Variants in SPOCK1 observed in about 807,000 individuals in gnomAD.
The protein encoded by SPOCK1 is SPARC (osteonectin), cwcv and kazal like domains proteoglycan 1, also known as testican-1.
In SPOCK1, 23 loss-of-function variants were observed where a neutral mutation model predicts 55.3. The ratio of observed to expected loss-of-function variants is 0.42; its 90% confidence interval spans 0.30 to 0.59. The LOEUF is 0.59. Among genes scored for constraint, SPOCK1 ranks in the 20% least tolerant of loss-of-function variants. The pLI is 0.22. For missense variants in SPOCK1, 499 were observed against 552.5 expected, an observed-to-expected ratio of 0.90 and a Z score of 0.97; for synonymous variants, 226 against 221.0, an observed-to-expected ratio of 1.02 and a Z score of -0.20.
At chr5:137,036,093 C>A (rs1184482011) in intron 6 of SPOCK1, among the ~76,000 whole-genome samples, 1 of 151,870 alleles carries the variant, frequency 6.6e-6, no homozygotes, top group African/African-American at 2.4e-5. Flanking sequence ...TCCCTGACAG[C>A]AAAAAAGGAC....
intron 4 of SPOCK1, among the ~76,000 whole-genome samples, chr5:137,135,837 C>T (rs1328691403): frequency 6.6e-6 from 1 of 152,152 alleles, no homozygotes. Flanking sequence ...CTTTTTATTG[C>T]TGAATAGTAA....
At chr5:137,168,928 C>T (rs765863273) in intron 3 of SPOCK1, among the ~76,000 whole-genome samples, 1 of 152,090 alleles carries the variant, frequency 6.6e-6, no homozygotes, top group Non-Finnish European at 1.5e-5. Flanking sequence ...ACACAATAGC[C>T]AGGATTTGAA....
At chr5:137,347,577 C>T (rs1252447197) in intron 2 of SPOCK1, among the ~76,000 whole-genome samples, 14 of 152,054 alleles carry the variant, frequency 9.2e-5, no homozygotes, top group African/African-American at 2.4e-4. Flanking sequence ...AAAAATTAGC[C>T]GGGTGTGGTG....
intron 4 of SPOCK1, among the ~76,000 whole-genome samples, chr5:137,135,134 T>C (rs1753956832): frequency 6.6e-6 from 1 of 152,268 alleles, no homozygotes; most frequent in Non-Finnish European, 1.5e-5. Context: ...TTAGATATTG[T>C]AAGTTCCATC....
At chr5:136,994,069 T>C (rs150851076) in intron 6 of SPOCK1, among the ~76,000 whole-genome samples, 7 of 152,190 alleles carry the variant, frequency 4.6e-5, no homozygotes, top group Non-Finnish European at 8.8e-5. Flanking sequence ...CCACCCTCCA[T>C]ATTAGAGGAG....
intron 2 of SPOCK1, among the ~76,000 whole-genome samples, chr5:137,482,718 T>C (rs1406866705): frequency 6.6e-6 from 1 of 152,140 alleles, no homozygotes; most frequent in Non-Finnish European, 1.5e-5. Context: ...TGAACAAGGA[T>C]CATCGCGTTG....
chr5:137,387,160 C>T (rs1300320961), intron 2 of SPOCK1, among the ~76,000 whole-genome samples: 1 of 152,222 alleles, frequency 6.6e-6, no homozygotes, highest in Non-Finnish European at 1.5e-5. Flanking sequence ...CTGACACCAC[C>T]AAATGCTGAT....
rs532193655 is a variant in SPOCK1 at position 137,432,031 on chromosome 5, A to G, written c.186+66342T>C. 1.4e-4 allele frequency among the ~76,000 whole-genome samples: 21 copies of G among 152,340 alleles called. No homozygotes were observed. The South Asian group carries it at 4.1e-3, about 30-fold the overall frequency. ...ATAACCATAATCATTAAGTAAATGC[A>G]AATCAAAACCACAATGAGATACCAC... is the stretch of plus-strand genomic sequence containing the variant. On this transcript the variant is annotated intron_variant, in intron 2 of 10. Transcript: ENST00000394945.
chr5:137,386,213 T>G (rs1182925815), intron 2 of SPOCK1, among the ~76,000 whole-genome samples: 1 of 152,224 alleles, frequency 6.6e-6, no homozygotes, highest in Non-Finnish European at 1.5e-5. Flanking sequence ...AAAACTCTGA[T>G]GAAAGAAATC....
chr5:136,975,540 A>C lies in SPOCK1; in HGVS notation c.*3114T>G, dbSNP rs1750596038. The C allele has an allele frequency of 1.3e-5, 2 of 152,642 alleles. No individual in the cohort carries two copies. Among genetic ancestry groups the C allele is most frequent in the South Asian group, 4.1e-4 (2 of 4,828 alleles). 9.5% of individuals were successfully genotyped at this position (152,642 alleles called of 1,614,324 possible). On this transcript the variant is annotated 3_prime_UTR_variant, in exon 11 of 11. Coordinates refer to ENST00000394945, the MANE Select transcript of SPOCK1 (RefSeq NM_004598.4). ...TATACATTTAACAGGAACAAACATC[A>C]GTGACTTTGAGAAAAAGTTATAAAA...
chr5:137,052,424 A>C (rs548626189), intron 6 of SPOCK1, among the ~76,000 whole-genome samples: 34 of 152,372 alleles, frequency 2.2e-4, no homozygotes, highest in African/African-American at 8.2e-4. Context: ...CTGACTAGGC[A>C]TTCCTACACA....
intron 6 of SPOCK1, among the ~76,000 whole-genome samples, chr5:137,046,329 G>T (rs1471700863): frequency 2.1e-5 from 3 of 140,194 alleles, no homozygotes; most frequent in African/African-American, 7.9e-5. Context: ...CTTGAGCAGT[G>T]GTTTGTAGTT....
Position 136,981,195 on chromosome 5 carries a change from C to T in SPOCK1, c.992-1726G>A, listed in dbSNP as rs570004897. 7.6e-4 allele frequency among the ~76,000 whole-genome samples: 116 copies of T among 152,306 alleles called. 1 individual carries two copies. The highest frequency in any genetic ancestry group is 1.4e-3 in the Admixed American group (22 of 15,296). On this transcript the variant is annotated intron_variant, in intron 9 of 10. Transcript: ENST00000394945. The stretch of plus-strand genomic sequence containing the variant: ...ATCCTCCAGCTAATTCTGGTATATA[C>T]TAAAGTTTGAGAACCACAAGTTTAC...
intron 2 of SPOCK1, among the ~76,000 whole-genome samples, chr5:137,382,709 A>AAATC (rs1751499786): frequency 1.3e-5 from 2 of 152,146 alleles, no homozygotes; most frequent in Non-Finnish European, 2.9e-5. Context: ...AGCATGGGGG[A>AAATC]AATCCACCCC....
At chr5:137,168,150 A>T (rs1323687715) in intron 3 of SPOCK1, among the ~76,000 whole-genome samples, 1 of 152,086 alleles carries the variant, frequency 6.6e-6, no homozygotes, top group East Asian at 1.9e-4. Flanking sequence ...GGCACTGAGA[A>T]AACTGGATAT....
At chr5:137,266,443 G>A (rs941446092) in intron 3 of SPOCK1, among the ~76,000 whole-genome samples, 8 of 152,156 alleles carry the variant, frequency 5.3e-5, no homozygotes, top group Non-Finnish European at 1.0e-4. Flanking sequence ...ATGAGAGACT[G>A]GTTTGATGCT....
In SPOCK1 at chr5:137,192,250, A is replaced by AAAAAAG. The variant is rs1554069269; in HGVS notation, c.233-51562_233-51557dup. Reference sequence around the variant, plus strand: ...TCTGTCTCAAAAAAAAAAAAAAAAAAAAAAAGAAAAGGAAAACAAGCTCAG... The same window carrying AAAAAAG: ...TCTGTCTCAAAAAAAAAAAAAAAAAAAAAAAGAAAAAGAAAAGGAAAACAAGCTCAG... On this transcript the variant is annotated intron_variant, in intron 3 of 10. Transcript: ENST00000394945. Among the ~76,000 whole-genome samples the AAAAAAG allele has an allele frequency of 3.0e-4, 45 of 147,840 alleles. 1 individual carries two copies. Among genetic ancestry groups the AAAAAAG allele is most frequent in the African/African-American group, 4.0e-4 (16 of 39,892 alleles).
intron 2 of SPOCK1, among the ~76,000 whole-genome samples, chr5:137,487,354 A>C (rs1232849754): frequency 1.3e-5 from 2 of 150,376 alleles, no homozygotes; most frequent in South Asian, 2.1e-4. Flanking sequence ...AAAAAAAAAA[A>C]CCTCTGGCCA....
intron 3 of SPOCK1, among the ~76,000 whole-genome samples, chr5:137,211,212 T>C (rs532070948): frequency 4.6e-4 from 70 of 152,264 alleles, no homozygotes; most frequent in South Asian, 6.2e-4. Context: ...CTGGATCCCA[T>C]TGGTGCATAG....
Sources: gnomAD v4.1 joint callset for allele counts (sites outside exome capture counted in the v4.1 genomes callset) on GRCh38, gnomAD v4.1.1 for gene constraint, MANE v1.5 for transcripts, NCBI Gene and HGNC (gene_info 2026-07-23, HGNC 2026-07-21) for gene names.